The following EPC1 variants were observed in gnomAD, a reference collection of about 807,000 sequenced individuals.
EPC1 encodes the protein enhancer of polycomb homolog 1.
In EPC1, 12 loss-of-function variants were observed where a neutral mutation model predicts 98.4. That is an observed-to-expected ratio of 0.12 (90% CI 0.08 to 0.20). EPC1 has a LOEUF of 0.20. Among genes scored for constraint, EPC1 ranks in the 10% least tolerant of loss-of-function variants. The pLI is 1.00. For missense variants in EPC1, 729 were observed against 990.5 expected (o/e 0.74, Z 3.54); for synonymous variants, 357 against 363.9 (o/e 0.98, Z 0.21).
chr10:32,297,705 C>A (rs960373712), intron 2 of EPC1, among the ~76,000 whole-genome samples: 2 of 152,040 alleles, frequency 1.3e-5, no homozygotes, highest in African/African-American at 2.4e-5. Context: ...TAGTGTGATA[C>A]ACAGATGTAG....
intron 1 of EPC1, 110 bp from the exon 2 acceptor site, chr10:32,306,041 T>A: frequency 1.1e-6 from 1 of 900,556 alleles, no homozygotes; most frequent in Non-Finnish European, 1.6e-6. Flanking sequence ...AGAGAGATTC[T>A]AGTAGTAGAT....
At chr10:32,344,413 T>C (rs999138006) in intron 1 of EPC1, among the ~76,000 whole-genome samples, 1 of 149,530 alleles carries the variant, frequency 6.7e-6, no homozygotes, top group African/African-American at 2.5e-5. Flanking sequence ...AAAGGCAATC[T>C]GAAGAAAAAA....
Position 32,318,181 on chromosome 10 carries a change from T to C in EPC1, c.154-12250A>G, listed in dbSNP as rs149306986. 4.6e-5 allele frequency among the ~76,000 whole-genome samples: 7 copies of C among 152,324 alleles called. No homozygotes were observed. The East Asian group carries it at 9.7e-4, about 21-fold the overall frequency. Reference sequence around the variant, plus strand: ...GAAAAGCCGCAATCTAATTGAATCATTTCCCCAAAATTAAATTTTAAAAGG... The same window carrying C: ...GAAAAGCCGCAATCTAATTGAATCACTTCCCCAAAATTAAATTTTAAAAGG... On this transcript the variant is annotated intron_variant, in intron 1 of 13. Coordinates refer to ENST00000319778, the MANE Select transcript of EPC1 (RefSeq NM_001272004.3).
intron 6 of EPC1, among the ~76,000 whole-genome samples, chr10:32,289,254 G>A (rs111857226): frequency 6.6e-6 from 1 of 151,990 alleles, no homozygotes; most frequent in Non-Finnish European, 1.5e-5. Flanking sequence ...TAACTTTCCA[G>A]ATCATTGAAG....
intron 1 of EPC1, among the ~76,000 whole-genome samples, chr10:32,361,755 G>A (rs1478581115): frequency 6.6e-6 from 1 of 152,274 alleles, no homozygotes; most frequent in Non-Finnish European, 1.5e-5. Flanking sequence ...TTGAACCAGA[G>A]CAACTCCATC....
intron 10 of EPC1, among the ~76,000 whole-genome samples, chr10:32,276,294 G>A (rs1204874524): frequency 3.9e-5 from 6 of 152,250 alleles, no homozygotes; most frequent in South Asian, 2.1e-4. Context: ...GTTGATCACC[G>A]GAGGTCAGGA....
At chr10:32,289,487 A>G (rs1836878971) in intron 6 of EPC1, among the ~76,000 whole-genome samples, 1 of 152,014 alleles carries the variant, frequency 6.6e-6, no homozygotes, top group Non-Finnish European at 1.5e-5. Flanking sequence ...TTGTACATTC[A>G]GGCTTGAAGG....
At chr10:32,278,372 T>C (rs1186586032) in intron 10 of EPC1, among the ~76,000 whole-genome samples, 1 of 8,600 alleles carries the variant, frequency 1.2e-4, no homozygotes, top group Non-Finnish European at 2.3e-4. Flanking sequence ...TTTTTTTTTG[T>C]TTTTTTTTTT....
chr10:32,349,774 A>T (rs1436313637), upstream of EPC1, among the ~76,000 whole-genome samples: 1 of 151,674 alleles, frequency 6.6e-6, no homozygotes, highest in Non-Finnish European at 1.5e-5. Context: ...TAATTTCTAA[A>T]TTTTTTCTAA....
intron 1 of EPC1, among the ~76,000 whole-genome samples, chr10:32,364,289 C>T (rs17584294): frequency 0.53 from 79,802 of 151,512 alleles, 23,278 homozygotes; most frequent in East Asian, 0.69. Flanking sequence ...CCGCCTCAGC[C>T]TCCCAAAGTG....
chr10:32,346,733 G>C, intron 1 of EPC1, 30 bp downstream of exon 1: 1 of 1,600,938 alleles, frequency 6.2e-7, no homozygotes, highest in Non-Finnish European at 8.6e-7. Flanking sequence ...CGGGCCTGAC[G>C]GTGGGTCGGA....
At chr10:32,370,069 T>TTA (rs1027822365) in intron 1 of EPC1, among the ~76,000 whole-genome samples, 3 of 152,210 alleles carry the variant, frequency 2.0e-5, no homozygotes, top group Non-Finnish European at 4.4e-5. Context: ...TAAAAACTTT[T>TTA]TATATATATT....
Position 32,293,165 on chromosome 10 carries a change from C to A in EPC1, c.489G>T (p.Leu163=). The change falls in exon 4 of 14, where the codon CTG becomes CTT. Residue 163 remains leucine (L), a synonymous_variant. Coordinates refer to ENST00000319778, the MANE Select transcript of EPC1 (RefSeq NM_001272004.3). ...QPVSLQEAKL[L]LKEDDELIRE... ...TAATTAGTTCATCATCTTCTTTTAG[C>A]AGTAGTTTGGCTTCCTGCAGACTGA... 2 of 1,612,930 alleles carry A rather than the reference C, an allele frequency of 1.2e-6. No homozygotes were observed. Among genetic ancestry groups the A allele is most frequent in the Non-Finnish European group, 1.7e-6 (2 of 1,179,492 alleles).
chr10:32,332,536 C>G (rs1837703422), intron 1 of EPC1, among the ~76,000 whole-genome samples: 1 of 152,200 alleles, frequency 6.6e-6, no homozygotes, highest in Non-Finnish European at 1.5e-5. Context: ...GGTACACACT[C>G]TCTCGAGTCA....
chr10:32,364,254 G>A (rs571590247), intron 1 of EPC1, among the ~76,000 whole-genome samples: 10 of 151,140 alleles, frequency 6.6e-5, no homozygotes, highest in Non-Finnish European at 1.3e-4. Context: ...GGCCGGTCTC[G>A]AACTCTTGTC....
chr10:32,313,822 G>A (rs1249534092), intron 1 of EPC1, among the ~76,000 whole-genome samples: 3 of 151,970 alleles, frequency 2.0e-5, no homozygotes, highest in African/African-American at 4.8e-5. Context: ...GGAGGCGGAG[G>A]CTGCAGTGAG....
intron 2 of EPC1, among the ~76,000 whole-genome samples, chr10:32,295,512 G>A (rs889638527): frequency 6.6e-6 from 1 of 152,098 alleles, no homozygotes; most frequent in Non-Finnish European, 1.5e-5. Context: ...TAACATCTCT[G>A]TACTCACAGT....
rs899319953 is a variant in EPC1 at position 32,274,887 on chromosome 10, T to TA, written c.1745-1607dup. 3.9e-5 allele frequency among the ~76,000 whole-genome samples: 6 copies of TA among 152,172 alleles called. No individual in the cohort carries two copies. In the South Asian group the frequency reaches 6.2e-4, roughly 16 times the overall value. On this transcript the variant is annotated intron_variant, in intron 10 of 13. Transcript: ENST00000319778. Reference sequence around the variant, plus strand: ...TTTCATAGTTAATATTTCTCATGTTTAAAAAAAATCCACGAAAATTATTTA... The same window carrying TA: ...TTTCATAGTTAATATTTCTCATGTTTAAAAAAAAATCCACGAAAATTATTTA...
At chr10:32,319,697 A>G (rs1322143050) in intron 1 of EPC1, among the ~76,000 whole-genome samples, 1 of 152,162 alleles carries the variant, frequency 6.6e-6, no homozygotes, top group Non-Finnish European at 1.5e-5. Flanking sequence ...TTTCTTTGAG[A>G]CAGAGTCTTG....
Sources: gnomAD v4.1 joint callset for allele counts (sites outside exome capture counted in the v4.1 genomes callset) on GRCh38, gnomAD v4.1.1 for gene constraint, MANE v1.5 for transcripts, NCBI Gene and HGNC (gene_info 2026-07-23, HGNC 2026-07-21) for gene names.